The following TNFAIP6 variants were observed in gnomAD, a reference collection of about 807,000 sequenced individuals.
TNFAIP6 encodes TNF alpha induced protein 6.
TNFAIP6 carries 36 observed loss-of-function variants against 33.7 expected under a neutral mutation model. The observed-to-expected ratio is 1.07, with a 90% CI of 0.82 to 1.41. The LOEUF (loss-of-function observed/expected upper bound fraction) is 1.41, where lower values mean the gene tolerates loss of function less well. Ranked by LOEUF, TNFAIP6 falls within the 40% of genes most tolerant of loss-of-function variation. The pLI is 0.00. For missense variants in TNFAIP6, 273 were observed against 331.9 expected, an observed-to-expected ratio of 0.82 and a Z score of 1.38; for synonymous variants, 113 against 112.8, an observed-to-expected ratio of 1.00 and a Z score of -0.01.
intron 1 of TNFAIP6, among the ~76,000 whole-genome samples, chr2:151,361,387 C>A (rs59689616): frequency 0.18 from 27,713 of 152,030 alleles, 2,910 homozygotes; most frequent in African/African-American, 0.29. Context: ...AATCTCCGTT[C>A]ATTTTTTCCG....
chr2:151,362,656 A>G (rs572213143), intron 1 of TNFAIP6, among the ~76,000 whole-genome samples: 28 of 151,382 alleles, frequency 1.8e-4, no homozygotes, highest in African/African-American at 6.5e-4. Flanking sequence ...ACGCCTGGCT[A>G]ATTTTTTGTA....
At chr2:151,376,865 C>CTTTTTTTTTTTTTTTTTTTTT (rs71403162) in intron 5 of TNFAIP6, among the ~76,000 whole-genome samples, 44 of 114,156 alleles carry the variant, frequency 3.9e-4, no homozygotes, top group African/African-American at 9.8e-4. Context: ...TTTTTCTTTT[C>CTTTTTTTTTTTTTTTTTTTTT]TTTTTTTTTT....
chr2:151,362,672 A>G (rs1288581003), intron 1 of TNFAIP6, among the ~76,000 whole-genome samples: 2 of 151,124 alleles, frequency 1.3e-5, no homozygotes. Context: ...TTGTATTTTT[A>G]ATAGAGACAG....
chr2:151,366,224 T>TA lies in TNFAIP6; in HGVS notation c.394+12dup, dbSNP rs2152014310. 6.2e-7 allele frequency: 1 copy of TA among 1,611,716 alleles called. No individual in the cohort carries two copies. The highest frequency in any genetic ancestry group is 1.3e-5 in the African/African-American group (1 of 75,004). On this transcript the variant is annotated splice_region_variant and intron_variant, in intron 3 of 5. Transcript: ENST00000243347. ...TATTGCTACAACCCACACGGTGTGT[T>TA]AAAAATAATAATTTTATGTTTTGCA...
downstream of TNFAIP6, among the ~76,000 whole-genome samples, chr2:151,381,182 C>T (rs776178729): frequency 6.6e-6 from 1 of 152,040 alleles, no homozygotes; most frequent in Non-Finnish European, 1.5e-5. Flanking sequence ...GTCATAAAAA[C>T]CAGAATTCAC....
intron 2 of TNFAIP6, among the ~76,000 whole-genome samples, chr2:151,364,365 A>C (rs951805241): frequency 2.6e-5 from 4 of 152,208 alleles, no homozygotes; most frequent in African/African-American, 9.7e-5. Context: ...ATTTCTCATT[A>C]ATTTCAATGC....
chr2:151,375,108 A>G (rs926570237), intron 5 of TNFAIP6, among the ~76,000 whole-genome samples: 95 of 144,496 alleles, frequency 6.6e-4, no homozygotes, highest in African/African-American at 2.3e-3. Context: ...CTGAGCAACA[A>G]GAGCAAAACT....
chr2:151,366,737 T>C (rs576374627), intron 3 of TNFAIP6, among the ~76,000 whole-genome samples: 1 of 152,326 alleles, frequency 6.6e-6, no homozygotes, highest in South Asian at 2.1e-4. Flanking sequence ...AATTTCTTTT[T>C]GTGTATATAT....
chr2:151,362,750 G>A (rs1377246003), intron 1 of TNFAIP6, among the ~76,000 whole-genome samples: 10 of 152,016 alleles, frequency 6.6e-5, no homozygotes, highest in Admixed American at 3.9e-4. Flanking sequence ...TCGGCCTCCC[G>A]AAGTGTTGGG....
At chr2:151,365,644 A>T (rs1255834641) in intron 2 of TNFAIP6, among the ~76,000 whole-genome samples, 1 of 152,220 alleles carries the variant, frequency 6.6e-6, no homozygotes, top group Non-Finnish European at 1.5e-5. Flanking sequence ...GTCTCAAAAA[A>T]TAGATAAATA....
intron 5 of TNFAIP6, among the ~76,000 whole-genome samples, chr2:151,377,494 TTTGTTTG>T (rs747421135): frequency 3.4e-4 from 52 of 151,882 alleles, no homozygotes; most frequent in Non-Finnish European, 1.3e-4. Flanking sequence ...TGTTTGTTTG[TTTGTTTG>T]TTTTTTAATA....
At chr2:151,358,470 T>A (rs1684571960) in intron 1 of TNFAIP6, among the ~76,000 whole-genome samples, 1 of 152,038 alleles carries the variant, frequency 6.6e-6, no homozygotes, top group Admixed American at 6.6e-5. Context: ...ATGCAGAAAA[T>A]CCAAAACACC....
At chr2:151,376,875 T>TTTTC (rs1553467584) in intron 5 of TNFAIP6, among the ~76,000 whole-genome samples, 3 of 149,294 alleles carry the variant, frequency 2.0e-5, no homozygotes, top group African/African-American at 7.4e-5. Flanking sequence ...CTTTTTTTTT[T>TTTTC]TTTTTTTTTT....
intron 5 of TNFAIP6, among the ~76,000 whole-genome samples, chr2:151,376,683 G>A (rs1684912561): frequency 6.6e-6 from 1 of 151,868 alleles, no homozygotes; most frequent in Non-Finnish European, 1.5e-5. Context: ...ATAGGTCACT[G>A]TATGGATATA....
intron 3 of TNFAIP6, among the ~76,000 whole-genome samples, chr2:151,368,742 G>A (rs1418219468): frequency 2.0e-5 from 3 of 151,986 alleles, no homozygotes; most frequent in East Asian, 1.9e-4. Context: ...AGTCTCTTGC[G>A]ATCATGAAAT....
At chr2:151,366,034 A>G (rs1684703175) in intron 2 of TNFAIP6, 22 bp from the exon 3 acceptor site, 2 of 1,613,694 alleles carry the variant, frequency 1.2e-6, no homozygotes. Flanking sequence ...TGTTTAGTCC[A>G]TAACTCTTTT....
intron 5 of TNFAIP6, among the ~76,000 whole-genome samples, chr2:151,375,946 C>T (rs76650529): frequency 1.3e-5 from 2 of 151,956 alleles, no homozygotes; most frequent in South Asian, 4.2e-4. Flanking sequence ...CCTGTCTCTA[C>T]AAAAAAATAC....
At chr2:151,376,804 G>A (rs1573787048) in intron 5 of TNFAIP6, among the ~76,000 whole-genome samples, 1 of 145,638 alleles carries the variant, frequency 6.9e-6, no homozygotes, top group African/African-American at 2.5e-5. Context: ...TCTTTACTCA[G>A]TAATTCTACT....
At chr2:151,368,139 G>A (rs1452153108) in intron 3 of TNFAIP6, among the ~76,000 whole-genome samples, 2 of 151,744 alleles carry the variant, frequency 1.3e-5, no homozygotes, top group African/African-American at 4.8e-5. Flanking sequence ...CAAACTATGT[G>A]TTGTATATTT....
Sources: allele counts gnomAD v4.1 joint callset (sites outside exome capture counted in the v4.1 genomes callset), GRCh38; gene constraint gnomAD v4.1.1; transcripts MANE v1.5; gene names NCBI Gene and HGNC (gene_info 2026-07-23, HGNC 2026-07-21).